The following ICE2 variants were observed in gnomAD, a reference collection of about 807,000 sequenced individuals.
The protein encoded by ICE2 is little elongation complex subunit 2.
In ICE2, 87 loss-of-function variants were observed where a neutral mutation model predicts 105.4. The ratio of observed to expected loss-of-function variants is 0.83; its 90% CI spans 0.69 to 0.99. The LOEUF (loss-of-function observed/expected upper bound fraction) is 0.99. Ranked by LOEUF, ICE2 falls within the 50% of genes least tolerant of loss-of-function variation. The pLI is 0.00. For missense variants in ICE2, 1,323 were observed against 1,146.7 expected, an observed-to-expected ratio of 1.15 and a Z score of -2.22; for synonymous variants, 399 against 392.0, an observed-to-expected ratio of 1.02 and a Z score of -0.21.
At chr15:60,436,002 C>T in intron 13 of ICE2, 141 bp downstream of exon 13, 1 of 430,398 alleles carries the variant, frequency 2.3e-6, no homozygotes. Context: ...AAAGACAAAA[C>T]AAAACTGAGT....
At chr15:60,459,820 C>T (rs967243777) in intron 5 of ICE2, among the ~76,000 whole-genome samples, 1 of 151,512 alleles carries the variant, frequency 6.6e-6, no homozygotes, top group Non-Finnish European at 1.5e-5. Context: ...AACAGAAAGT[C>T]GACATGTAAA....
chr15:60,466,801 C>A, intron 4 of ICE2, 88 bp from the exon 5 acceptor site: 1 of 1,113,952 alleles, frequency 9.0e-7, no homozygotes, highest in Non-Finnish European at 1.3e-6. Flanking sequence ...ATAATTTGGA[C>A]TTAAAGAATA....
chr15:60,458,342 C>T (rs553903554), intron 5 of ICE2, among the ~76,000 whole-genome samples: 1 of 152,146 alleles, frequency 6.6e-6, no homozygotes, highest in African/African-American at 2.4e-5. Flanking sequence ...GAATTAAATA[C>T]ACCAAAAGCA....
At chr15:60,443,688 A>C (rs1454265794) in intron 11 of ICE2, among the ~76,000 whole-genome samples, 2 of 152,182 alleles carry the variant, frequency 1.3e-5, no homozygotes, top group Admixed American at 1.3e-4. Context: ...AACAAAATTA[A>C]ATGTGATTAG....
chr15:60,446,090 G>A (rs754425135), intron 11 of ICE2, among the ~76,000 whole-genome samples: 2 of 152,080 alleles, frequency 1.3e-5, no homozygotes, highest in Non-Finnish European at 2.9e-5. Context: ...GTCATTCCTT[G>A]AGTTTCTCTT....
Position 60,455,036 on chromosome 15 carries a change from T to C in ICE2, c.910A>G (p.Ile304Val), listed in dbSNP as rs1393713919. ...HGPTYKEQWE[I>V]PVCIQVIPVA... The stretch of plus-strand genomic sequence containing the variant: ...GGTATTACTTGAATACACACTGGAA[T>C]TTCCCACTGTTCCTTGTACGTTGGT... Residue 304 changes from isoleucine to valine, a missense_variant, in exon 8 of 16, where the codon ATT becomes GTT. Transcript: ENST00000261520. 1.9e-6 allele frequency: 3 copies of C among 1,576,998 alleles called. No homozygotes were observed. The highest frequency in any genetic ancestry group is 2.6e-6 in the Non-Finnish European group (3 of 1,168,782).
chr15:60,444,401 A>G (rs2063780746), intron 11 of ICE2, among the ~76,000 whole-genome samples: 2 of 152,172 alleles, frequency 1.3e-5, no homozygotes, highest in African/African-American at 4.8e-5. Context: ...TGAACATTTC[A>G]TCTTTCCTTA....
intron 3 of ICE2, among the ~76,000 whole-genome samples, chr15:60,475,630 C>T (rs2064738851): frequency 6.6e-6 from 1 of 152,004 alleles, no homozygotes; most frequent in Non-Finnish European, 1.5e-5. Context: ...CAGATAATTG[C>T]AAAACAGTTT....
At chr15:60,458,914 T>C (rs8026594) in intron 5 of ICE2, among the ~76,000 whole-genome samples, 141,874 of 152,182 alleles carry the variant, frequency 0.93, 66,843 homozygotes, top group East Asian at 1. Context: ...TAATGAAACT[T>C]ATACAGACAG....
Position 60,453,713 on chromosome 15 carries a change from TTCTC to T in ICE2, c.1011_1014del (p.Arg338IlefsTer9). On this transcript the variant is annotated frameshift_variant, in exon 9 of 16. Transcript: ENST00000261520. LOFTEE classifies it high-confidence loss of function. ...AATGGAACTTCATGAAAGATTTGAT[TTCTC>T]TCTCTCATAGTCATTTTCTTTTGGG... 1.2e-6 allele frequency: 2 copies of T among 1,609,876 alleles called. No individual in the cohort carries two copies. Among genetic ancestry groups the T allele is most frequent in the Non-Finnish European group, 1.7e-6 (2 of 1,176,196 alleles).
chr15:60,438,142 G>A (rs924949019), intron 12 of ICE2: 2 of 152,088 alleles, frequency 1.3e-5, no homozygotes, highest in African/African-American at 4.8e-5. Flanking sequence ...AAAGAGTCCT[G>A]GGTTAAATGT....
chr15:60,478,663 A>T, intron 1 of ICE2: 1 of 332,090 alleles, frequency 3.0e-6, no homozygotes, highest in Non-Finnish European at 6.0e-6. Context: ...GCGAGAACCT[A>T]ATCAAATTTA....
chr15:60,456,715 C>G lies in ICE2; in HGVS notation c.608G>C (p.Gly203Ala). ...CATCTCTACTCTGAATGGGAAGAAT[C>G]CCATTAAGCTGGTGACCTCGTGGAG... ...YTLHEVTSLM[G>A]FFPFRVEMGL... Residue 203 changes from glycine (G) to alanine (A), a missense_variant, in exon 6 of 16, where the codon GGA (glycine) becomes GCA (alanine). By Grantham distance (60) the Gly-to-Ala change is moderately conservative (BLOSUM62 0). Transcript: ENST00000261520. 1 of 1,596,838 alleles carries G rather than the reference C, an allele frequency of 6.3e-7. No homozygotes were observed. The highest frequency in any genetic ancestry group is 8.5e-7 in the Non-Finnish European group (1 of 1,170,710).
At chr15:60,453,568 C>A in intron 9 of ICE2, 35 bp downstream of exon 9, 1 of 1,603,352 alleles carries the variant, frequency 6.2e-7, no homozygotes. Flanking sequence ...TAAACAAGTA[C>A]ATTCCCCTTA....
At chr15:60,444,952 T>A (rs1476892005) in intron 11 of ICE2, among the ~76,000 whole-genome samples, 1 of 152,190 alleles carries the variant, frequency 6.6e-6, no homozygotes, top group African/African-American at 2.4e-5. Context: ...CCAAAAGAGT[T>A]GGGATTACAG....
intron 3 of ICE2, among the ~76,000 whole-genome samples, chr15:60,474,376 A>C (rs1567015949): frequency 6.6e-6 from 1 of 152,152 alleles, no homozygotes; most frequent in Non-Finnish European, 1.5e-5. Context: ...ATACAAACAC[A>C]TGTAAAAAGG....
rs763966491 is a variant in ICE2 at position 60,468,085 on chromosome 15, A to G, written c.384T>C (p.Asn128=). 7.4e-6 allele frequency: 12 copies of G among 1,612,888 alleles called. No homozygotes were observed. The African/African-American group carries it at 1.2e-4, about 16-fold the overall frequency. Residue 128 remains asparagine, a synonymous_variant, in exon 4 of 16, where the codon AAT becomes AAC. Coordinates refer to ENST00000261520, the MANE Select transcript of ICE2 (RefSeq NM_024611.6). Reference sequence around the variant, plus strand: ...CCAAGTACTGCAAGTAGTCATTTTTATTTATTCCAACAGCTTTGGAATTTG... The same window carrying G: ...CCAAGTACTGCAAGTAGTCATTTTTGTTTATTCCAACAGCTTTGGAATTTG... ...IPANSKAVGI[N]KNDYLQYLDM...
At chr15:60,475,137 G>A (rs556622523) in intron 3 of ICE2, among the ~76,000 whole-genome samples, 1 of 152,122 alleles carries the variant, frequency 6.6e-6, no homozygotes, top group Non-Finnish European at 1.5e-5. Flanking sequence ...AGCTTCCCTG[G>A]GGGAGTTTCC....
At chr15:60,442,569 T>C (rs2063741667) in intron 11 of ICE2, 24 bp from the exon 12 acceptor site, 3 of 1,546,776 alleles carry the variant, frequency 1.9e-6, no homozygotes, top group East Asian at 4.6e-5. Flanking sequence ...TTATACTTTT[T>C]CAAAGCTCTA....
Sources: allele counts gnomAD v4.1 joint callset (sites outside exome capture counted in the v4.1 genomes callset), GRCh38; gene constraint gnomAD v4.1.1; transcripts MANE v1.5; gene names NCBI Gene and HGNC (gene_info 2026-07-23, HGNC 2026-07-21).